Variants in LYN observed in about 807,000 individuals in gnomAD.
The protein encoded by LYN is LYN proto-oncogene, Src family tyrosine kinase, also known as tyrosine-protein kinase Lyn.
Under a neutral mutation model 65.0 loss-of-function variants are expected in LYN, and 12 were observed. The observed-to-expected ratio is 0.18, with a 90% CI of 0.12 to 0.30. The LOEUF is 0.30. LYN is among the 10% of genes least tolerant of loss of function. LYN has a pLI of 1.00. For synonymous variants in LYN, 222 were observed against 221.2 expected, an observed-to-expected ratio of 1.00 and a Z score of -0.03; for missense variants, 380 against 623.2, an observed-to-expected ratio of 0.61 and a Z score of 4.16.
rs1483711492 is a variant in LYN, at chr8:55,899,712, C to T, written c.-6+19609C>T. Among the ~76,000 whole-genome samples, 13 of 152,040 alleles carry T rather than the reference C, an allele frequency of 8.6e-5. 1 individual carries two copies. Among genetic ancestry groups the T allele is most frequent in the Admixed American group, 5.2e-4 (8 of 15,264 alleles). ...TTACCCAGGCTGGAGTGCAATGGCA[C>T]GATCTCAGTTCACTGCAACCTCTGC... On this transcript the variant is annotated intron_variant, in intron 1 of 12. Coordinates refer to ENST00000519728, the MANE Select transcript of LYN (RefSeq NM_002350.4).
Position 55,984,244 on chromosome 8 carries a change from G to C in LYN, c.1051-14102G>C, listed in dbSNP as rs932871815. Among the ~76,000 whole-genome samples the C allele has an allele frequency of 2.6e-5, 4 of 152,084 alleles. No individual in the cohort carries two copies. The East Asian group carries it at 7.7e-4, about 29-fold the overall frequency. On this transcript the variant is annotated intron_variant, in intron 10 of 12. Transcript: ENST00000519728. ...AGGTTCCGGGTGGTCGTGAGTTTTG[G>C]GGGGACATTAGTTAATCCAGCACAG...
chr8:55,949,727 T>G (rs985037911), intron 4 of LYN, among the ~76,000 whole-genome samples: 10 of 152,232 alleles, frequency 6.6e-5, no homozygotes, highest in East Asian at 3.8e-4. Context: ...ACTCCTGGCT[T>G]CTTTTCTTTG....
chr8:55,995,581 G>C (rs1378700912), intron 10 of LYN, among the ~76,000 whole-genome samples: 1 of 152,214 alleles, frequency 6.6e-6, no homozygotes, highest in Non-Finnish European at 1.5e-5. Context: ...GGAGCAGGGA[G>C]CACTGGGGAT....
At chr8:55,920,440 C>T (rs1257461298) in intron 1 of LYN, among the ~76,000 whole-genome samples, 2 of 152,000 alleles carry the variant, frequency 1.3e-5, no homozygotes, top group Non-Finnish European at 2.9e-5. Flanking sequence ...AGGACGGGGG[C>T]GGATAATGGG....
In LYN at chr8:56,013,754, A is replaced by G. The variant is rs2668012; in HGVS notation, c.*3644A>G. On this transcript the variant is annotated 3_prime_UTR_variant, in exon 13 of 13. Transcript: ENST00000519728. ...CAGGTTCCACAGCCAGTTGTCGGAC[A>G]TCTCCTGCTTCCTCAGCCAAGAACA... The G allele has an allele frequency of 0.32, 48,874 of 152,094 alleles. 9,578 individuals are homozygous for G. The highest frequency in any genetic ancestry group is 0.55 in the African/African-American group (22,652 of 41,420). 9.4% of individuals were successfully genotyped at this position (152,094 alleles called of 1,614,324 possible).
At chr8:55,922,418 T>G (rs964003890) in intron 1 of LYN, among the ~76,000 whole-genome samples, 3 of 151,984 alleles carry the variant, frequency 2.0e-5, no homozygotes, top group Non-Finnish European at 4.4e-5. Context: ...CCTGGTTCTA[T>G]GTGTGCCAGT....
At chr8:55,947,486 A>C in intron 3 of LYN, 132 bp from the exon 4 acceptor site, 1 of 680,412 alleles carries the variant, frequency 1.5e-6, no homozygotes, top group Non-Finnish European at 2.7e-6. Context: ...TGAGCCCACT[A>C]GGCAGGAAGC....
At chr8:55,943,360 A>G (rs1325884367) in intron 2 of LYN, among the ~76,000 whole-genome samples, 1 of 151,966 alleles carries the variant, frequency 6.6e-6, no homozygotes, top group African/African-American at 2.4e-5. Flanking sequence ...GGGAGGTCAC[A>G]AGGTCAGGAG....
chr8:55,962,514 G>A (rs6996664), intron 8 of LYN, among the ~76,000 whole-genome samples: 3,716 of 149,944 alleles, frequency 0.025, 169 homozygotes, highest in African/African-American at 0.088. Context: ...TGGTTCATTC[G>A]TCTTCATCCC....
chr8:55,916,053 G>C (rs182229617), intron 1 of LYN, among the ~76,000 whole-genome samples: 9 of 152,146 alleles, frequency 5.9e-5, no homozygotes, highest in African/African-American at 2.2e-4. Context: ...ATAAAAATTA[G>C]AGCTATCTTA....
Position 55,950,777 on chromosome 8 carries a change from A to G in LYN, c.480A>G (p.Thr160=), listed in dbSNP as rs369484239. Residue 160 remains threonine (T), a synonymous_variant, in exon 6 of 13, where the codon ACA becomes ACG. Coordinates refer to ENST00000519728, the MANE Select transcript of LYN (RefSeq NM_002350.4). ...CTTTCCTTATTAGAGAAAGTGAAAC[A>G]TTAAAAGGTAGGAAATTGTTCAAAG... ...AGAFLIRESE[T]LKGSFSLSVR... is the part of the protein sequence containing the mutation. 6.2e-6 allele frequency: 10 copies of G among 1,607,246 alleles called. No homozygotes were observed. In the African/African-American group the frequency reaches 1.2e-4, roughly 19 times the overall value.
At chr8:55,959,580 G>A (rs1274237636) in intron 8 of LYN, among the ~76,000 whole-genome samples, 3 of 152,176 alleles carry the variant, frequency 2.0e-5, no homozygotes, top group African/African-American at 4.8e-5. Flanking sequence ...CCACTAAATA[G>A]AAGTTGTTTG....
At chr8:55,952,765 C>G (rs1489343542) in intron 7 of LYN, among the ~76,000 whole-genome samples, 1 of 152,132 alleles carries the variant, frequency 6.6e-6, no homozygotes, top group Admixed American at 6.5e-5. Flanking sequence ...AATAGGAATG[C>G]AGATTTGCAG....
chr8:55,919,302 C>T (rs1027132534), intron 1 of LYN, among the ~76,000 whole-genome samples: 1 of 151,688 alleles, frequency 6.6e-6, no homozygotes, highest in African/African-American at 2.4e-5. Context: ...TTGATTTTTG[C>T]CTTTTTAGGA....
chr8:55,947,121 C>T (rs1019430156), intron 3 of LYN, among the ~76,000 whole-genome samples: 8 of 152,224 alleles, frequency 5.3e-5, no homozygotes, highest in East Asian at 1.9e-4. Context: ...TGGTGGTGGG[C>T]GCCTGTAATC....
intron 10 of LYN, among the ~76,000 whole-genome samples, chr8:55,971,668 C>T (rs1807613267): frequency 6.6e-6 from 1 of 152,194 alleles, no homozygotes; most frequent in Non-Finnish European, 1.5e-5. Flanking sequence ...TATTTTGTCA[C>T]ATGGGTATTT....
rs1329674285 is a variant in LYN, at chr8:55,990,244, A to AG, written c.1051-8102_1051-8101insG. 3.1e-4 allele frequency among the ~76,000 whole-genome samples: 47 copies of AG among 150,204 alleles called. 1 individual carries two copies. Among genetic ancestry groups the AG allele is most frequent in the South Asian group, 2.9e-3 (14 of 4,764 alleles). On this transcript the variant is annotated intron_variant, in intron 10 of 12. Coordinates refer to ENST00000519728, the MANE Select transcript of LYN (RefSeq NM_002350.4). ...ATAGAGTGAGACTCTGCCTCCAAAA[A>AG]AAAAAAAAAAAAAAAAAAAGTCCTG...
chr8:55,911,188 TACACAC>T (rs373098694), intron 1 of LYN, among the ~76,000 whole-genome samples: 1 of 21,774 alleles, frequency 4.6e-5, no homozygotes, highest in Admixed American at 5.9e-4. Flanking sequence ...TATATATATA[TACACAC>T]ACACATATAT....
intron 1 of LYN, among the ~76,000 whole-genome samples, chr8:55,926,975 A>G (rs1025473605): frequency 3.9e-5 from 6 of 152,238 alleles, no homozygotes; most frequent in African/African-American, 1.4e-4. Context: ...GATAATTGCC[A>G]TCTAGCCATC....
Sources: gnomAD v4.1 joint callset for allele counts (sites outside exome capture counted in the v4.1 genomes callset) on GRCh38, gnomAD v4.1.1 for gene constraint, MANE v1.5 for transcripts, NCBI Gene and HGNC (gene_info 2026-07-23, HGNC 2026-07-21) for gene names.